ITPRIP: variants seen among roughly 807,000 people sequenced by gnomAD.
The protein encoded by ITPRIP is inositol 1,4,5-trisphosphate receptor-interacting protein.
A neutral mutation model predicts 35.8 loss-of-function variants in ITPRIP; 32 were observed. The observed-to-expected ratio is 0.89, with a 90% CI of 0.68 to 1.20. ITPRIP has a LOEUF of 1.20. Among genes scored for constraint, ITPRIP ranks in the 50% most tolerant of loss-of-function variants. The pLI is 0.00. For missense variants in ITPRIP, 653 were observed against 735.6 expected (o/e 0.89, Z 1.30); for synonymous variants, 358 against 324.0 (o/e 1.11, Z -1.13).
intron 1 of ITPRIP, among the ~76,000 whole-genome samples, 191 bp from the exon 2 acceptor site, chr10:104,316,255 G>C (rs1396438231): frequency 1.3e-5 from 2 of 152,106 alleles, no homozygotes; most frequent in African/African-American, 2.4e-5. Context: ...CCTACCCTGG[G>C]GTGGACATCT....
Position 104,312,566 on chromosome 10 carries a change from A to T in ITPRIP, c.*1842T>A. Reference sequence around the variant, plus strand: ...GTTAGGGACACACTTGAGCTGGTTCATTCCCTGGAGTGCCCCGCAACTGCG... The same window carrying T: ...GTTAGGGACACACTTGAGCTGGTTCTTTCCCTGGAGTGCCCCGCAACTGCG... On this transcript the variant is annotated 3_prime_UTR_variant, in exon 2 of 2. Coordinates refer to ENST00000337478, the MANE Select transcript of ITPRIP (RefSeq NM_001272013.2). 1.0e-6 allele frequency: 1 copy of T among 964,480 alleles called. No homozygotes were observed. Among genetic ancestry groups the T allele is most frequent in the Non-Finnish European group, 1.2e-6 (1 of 810,662 alleles). The allele number at this position is 964,480 out of a possible 1,614,324, so 59.7% of individuals were successfully genotyped here.
chr10:104,318,446 C>T (rs1181556467), intron 1 of ITPRIP, among the ~76,000 whole-genome samples: 1 of 152,170 alleles, frequency 6.6e-6, no homozygotes, highest in Non-Finnish European at 1.5e-5. Flanking sequence ...ACAGTAATAG[C>T]CCGGACAACC....
chr10:104,311,361 G>T lies in ITPRIP; in HGVS notation c.*3047C>A, dbSNP rs563102871. ...GAAAGAAAGTGAGAGGGCTTCCTCA[G>T]CTAGGGGTACCATCAGTCACTTGGG... On this transcript the variant is annotated 3_prime_UTR_variant, in exon 2 of 2. Coordinates refer to ENST00000337478, the MANE Select transcript of ITPRIP (RefSeq NM_001272013.2). 10 of 152,338 alleles carry T rather than the reference G, an allele frequency of 6.6e-5. No homozygotes were observed. The highest frequency in any genetic ancestry group is 6.5e-4 in the Admixed American group (10 of 15,300). 9.4% of individuals were successfully genotyped at this position (152,338 alleles called of 1,614,324 possible).
chr10:104,324,796 C>T (rs1052147153), intron 1 of ITPRIP, among the ~76,000 whole-genome samples: 6 of 152,342 alleles, frequency 3.9e-5, no homozygotes, highest in African/African-American at 1.4e-4. Flanking sequence ...CGAGTCCCCA[C>T]GCCACACATT....
intron 1 of ITPRIP, among the ~76,000 whole-genome samples, chr10:104,325,308 A>G (rs1032242579): frequency 3.9e-5 from 6 of 152,144 alleles, no homozygotes; most frequent in African/African-American, 7.2e-5. Flanking sequence ...GCGTTCCTCA[A>G]GGTAACCCCT....
chr10:104,322,023 C>T (rs1027848497), intron 1 of ITPRIP, among the ~76,000 whole-genome samples: 6 of 152,256 alleles, frequency 3.9e-5, no homozygotes, highest in East Asian at 3.9e-4. Context: ...ACAGCCACTA[C>T]GTATGGAGTC....
At position 104,315,956 on chromosome 10, in the gene ITPRIP, C is replaced by T. The variant is rs781415865; in HGVS notation, c.96G>A (p.Glu32=). 1.2e-6 allele frequency: 2 copies of T among 1,613,796 alleles called. No individual in the cohort carries two copies. Among genetic ancestry groups the T allele is most frequent in the African/African-American group, 2.7e-5 (2 of 74,942 alleles). Residue 32 remains glutamate, a synonymous_variant, in exon 2 of 2, where the codon GAG becomes GAA. Transcript: ENST00000337478. The surrounding 1 kb of genome is among the most constrained non-coding windows in gnomAD (Gnocchi z 5.7). ...LFPRENATVP[E]NEEEIIRKMQ... Reference sequence around the variant, plus strand: ...TCTTGCGGATGATCTCCTCCTCGTTCTCGGGGACTGTGGCGTTCTCCCGCG... The same window carrying T: ...TCTTGCGGATGATCTCCTCCTCGTTTTCGGGGACTGTGGCGTTCTCCCGCG...
intron 1 of ITPRIP, among the ~76,000 whole-genome samples, chr10:104,327,266 C>T (rs2014041225): frequency 6.6e-6 from 1 of 152,128 alleles, no homozygotes; most frequent in Non-Finnish European, 1.5e-5. Flanking sequence ...CCCTAACACT[C>T]CAAACCCCCA....
chr10:104,326,840 C>A lies in ITPRIP; in HGVS notation c.-13-10776G>T, dbSNP rs955745002. ...GAGACAGAGGAGAGGTGAGGGGAGA[C>A]GGAGGCCAGGATGGGAGTGACGCTG... is the stretch of plus-strand genomic sequence containing the variant. On this transcript the variant is annotated intron_variant, in intron 1 of 1. Coordinates refer to ENST00000337478, the MANE Select transcript of ITPRIP (RefSeq NM_001272013.2). This position sits in a 1 kb window ranked among gnomAD's most constrained non-coding sequence, Gnocchi z 4.8. 6.6e-6 allele frequency: 1 copy of A among 152,180 alleles called. No individual in the cohort carries two copies. The highest frequency in any genetic ancestry group is 1.5e-5 in the Non-Finnish European group (1 of 68,060). 9.4% of individuals were successfully genotyped at this position (152,180 alleles called of 1,614,324 possible). A position where few individuals can be genotyped will look rare whatever the true frequency, so the allele number is the denominator to read the frequency against.
Position 104,336,501 on chromosome 10 carries a change from G to C in ITPRIP, c.-14+1745C>G, listed in dbSNP as rs182615923. Reference sequence around the variant, plus strand: ...TGCCCAGTTATTTTTTTTTGGGGGGGGGGGGGCAGCGGGGCATTGGGGGGT... The same window carrying C: ...TGCCCAGTTATTTTTTTTTGGGGGGCGGGGGGCAGCGGGGCATTGGGGGGT... On this transcript the variant is annotated intron_variant, in intron 1 of 1. Transcript: ENST00000337478. Among the ~76,000 whole-genome samples the C allele has an allele frequency of 4.4e-3, 664 of 151,108 alleles. 28 individuals carry two copies. Among genetic ancestry groups the C allele is most frequent in the Admixed American group, 0.039 (582 of 15,082 alleles).
chr10:104,322,243 A>C (rs2013869144), intron 1 of ITPRIP, among the ~76,000 whole-genome samples: 1 of 151,990 alleles, frequency 6.6e-6, no homozygotes. Context: ...ACTACAACCA[A>C]CCAGGAACAG....
At position 104,313,342 on chromosome 10, in the gene ITPRIP, T is replaced by G. The variant is rs1269371432; in HGVS notation, c.*1066A>C. ...AGCACCTCATCGAAGGAGTCTACTG[T>G]CTTACAGCAGAGACTTCGCTGCAGG... is the stretch of plus-strand genomic sequence containing the variant. On this transcript the variant is annotated 3_prime_UTR_variant, in exon 2 of 2. Coordinates refer to ENST00000337478, the MANE Select transcript of ITPRIP (RefSeq NM_001272013.2). 1.0e-5 allele frequency: 10 copies of G among 986,278 alleles called. No homozygotes were observed. Among genetic ancestry groups the G allele is most frequent in the Non-Finnish European group, 1.2e-5 (10 of 830,536 alleles). 61.1% of individuals were successfully genotyped at this position (986,278 alleles called of 1,614,324 possible). A position where few individuals can be genotyped will look rare whatever the true frequency, so the allele number is the denominator to read the frequency against.
rs766651663 is a variant in ITPRIP at position 104,315,571 on chromosome 10, G to T, written c.481C>A (p.Arg161=). ...TCCACGAAGCCTTCCAGGAACTCCCGGGTACGGGCTGCATCGGCCGTGGCC... is the reference window on the plus strand; with the variant it reads ...TCCACGAAGCCTTCCAGGAACTCCCTGGTACGGGCTGCATCGGCCGTGGCC... ...RGATADAART[R]EFLEGFVDDL... is the part of the protein sequence containing the mutation. The change falls in exon 2 of 2, where the codon CGG becomes AGG. Residue 161 remains arginine, a synonymous_variant. Transcript: ENST00000337478. This position sits in a 1 kb window ranked among gnomAD's most constrained non-coding sequence, Gnocchi z 5.7. 4 of 1,613,902 alleles carry T rather than the reference G, an allele frequency of 2.5e-6. No homozygotes were observed. Among genetic ancestry groups the T allele is most frequent in the Non-Finnish European group, 3.4e-6 (4 of 1,180,028 alleles).
chr10:104,315,146 C>T lies in ITPRIP; in HGVS notation c.906G>A (p.Lys302=). 1.9e-6 allele frequency: 3 copies of T among 1,614,138 alleles called. No homozygotes were observed. The highest frequency in any genetic ancestry group is 2.2e-5 in the East Asian group (1 of 44,876). ...SLYLDTMQVM[K]WFQTALTRAW... Reference sequence around the variant, plus strand: ...CTCTGGTGAGGGCCGTCTGGAACCACTTCATGACCTGCATCGTGTCCAGGT... The same window carrying T: ...CTCTGGTGAGGGCCGTCTGGAACCATTTCATGACCTGCATCGTGTCCAGGT... The change falls in exon 2 of 2, where the codon AAG becomes AAA. Residue 302 remains lysine (K), a synonymous_variant. Coordinates refer to ENST00000337478, the MANE Select transcript of ITPRIP (RefSeq NM_001272013.2). This position sits in a 1 kb window ranked among gnomAD's most constrained non-coding sequence, Gnocchi z 5.7.
At chr10:104,322,980 T>C (rs2135193086) in intron 1 of ITPRIP, among the ~76,000 whole-genome samples, 1 of 149,114 alleles carries the variant, frequency 6.7e-6, no homozygotes, top group Admixed American at 6.6e-5. Context: ...GCTGATGAGG[T>C]ACACAGTTGT....
At chr10:104,331,609 A>C (rs1046356327) in intron 1 of ITPRIP, among the ~76,000 whole-genome samples, 1 of 152,196 alleles carries the variant, frequency 6.6e-6, no homozygotes, top group Non-Finnish European at 1.5e-5. Context: ...TGAGTGTCCC[A>C]CTGTGTTATG....
At chr10:104,316,137 C>G in intron 1 of ITPRIP, 73 bp from the exon 2 acceptor site, 5 of 1,278,858 alleles carry the variant, frequency 3.9e-6, no homozygotes, top group Non-Finnish European at 5.3e-6. Context: ...CCGCACCAAC[C>G]TCAGCCCCTC....
rs1589883799 is a variant in ITPRIP at position 104,311,062 on chromosome 10, AT to A, written c.*3345del. On this transcript the variant is annotated 3_prime_UTR_variant, in exon 2 of 2. Transcript: ENST00000337478. ...CCTATTCATTTTCCCATCTTCCACA[AT>A]GTCTCATGCACGTTAGGCTCCTGAC... 1.3e-5 allele frequency: 2 copies of A among 152,138 alleles called. No homozygotes were observed. The highest frequency in any genetic ancestry group is 3.9e-4 in the East Asian group (2 of 5,182). 9.4% of individuals were successfully genotyped at this position (152,138 alleles called of 1,614,324 possible). A position where few individuals can be genotyped will look rare whatever the true frequency, so the allele number is the denominator to read the frequency against.
At chr10:104,325,712 C>G (rs1589893038) in intron 1 of ITPRIP, among the ~76,000 whole-genome samples, 1 of 152,198 alleles carries the variant, frequency 6.6e-6, no homozygotes, top group East Asian at 1.9e-4. Context: ...ACCGGGCACC[C>G]CGAGTCCAGC....
Sources: allele counts gnomAD v4.1 joint callset (sites outside exome capture counted in the v4.1 genomes callset), GRCh38; gene constraint gnomAD v4.1.1; non-coding constraint Gnocchi (gnomAD v3.1); transcripts MANE v1.5; gene names NCBI Gene and HGNC (gene_info 2026-07-23, HGNC 2026-07-21).